Variants in NAB1 observed in about 807,000 individuals in gnomAD.
NAB1 encodes the protein NGFI-A-binding protein 1.
In NAB1, 25 loss-of-function variants were observed where a neutral mutation model predicts 49.9. The ratio of observed to expected loss-of-function variants is 0.50; its 90% CI spans 0.37 to 0.70. NAB1 has a LOEUF of 0.70. NAB1 is among the 30% of genes least tolerant of loss of function. NAB1 has a pLI of 0.00. For synonymous variants in NAB1, 198 were observed against 215.6 expected, an observed-to-expected ratio of 0.92 and a Z score of 0.71; for missense variants, 489 against 575.9, an observed-to-expected ratio of 0.85 and a Z score of 1.54.
rs1281266197 is a variant in NAB1 at position 190,686,247 on chromosome 2, A to C, written c.1258+609A>C. On this transcript the variant is annotated intron_variant, in intron 8 of 9. Transcript: ENST00000337386. The surrounding 1 kb of genome is among the most constrained non-coding windows in gnomAD (Gnocchi z 5.5). ...CTATGTGCCAGGCACTCTCCTAGGC[A>C]CTGAAGATGCAGCAGGGAACAAATC... 1.3e-5 allele frequency among the ~76,000 whole-genome samples: 2 copies of C among 152,218 alleles called. No homozygotes were observed. The highest frequency in any genetic ancestry group is 2.9e-5 in the Non-Finnish European group (2 of 68,028).
In NAB1 at chr2:190,669,287, A is replaced by G. The variant is rs758883943; in HGVS notation, c.820-1039A>G. 5.9e-5 allele frequency among the ~76,000 whole-genome samples: 9 copies of G among 152,224 alleles called. No homozygotes were observed. Among genetic ancestry groups the G allele is most frequent in the African/African-American group, 1.4e-4 (6 of 41,460 alleles). ...AACCTCAGACAGCAAAACTGTGGGT[A>G]AGGGGGTACTGCCGTACCTGATTTC... is the stretch of plus-strand genomic sequence containing the variant. On this transcript the variant is annotated intron_variant, in intron 4 of 9. Coordinates refer to ENST00000337386, the MANE Select transcript of NAB1 (RefSeq NM_005966.4). The surrounding 1 kb of genome is among the most constrained non-coding windows in gnomAD (Gnocchi z 4.3).
chr2:190,660,340 TAAA>T (rs1167297513), intron 4 of NAB1, among the ~76,000 whole-genome samples: 1 of 152,220 alleles, frequency 6.6e-6, no homozygotes, highest in East Asian at 1.9e-4. Flanking sequence ...ATATAACTTT[TAAA>T]AAACATTTTT....
In NAB1 at chr2:190,677,792, G is replaced by C. The variant is rs1160598327; in HGVS notation, c.1005+4640G>C. ...ACTGCTATCCAGTAGCAGAGCCGGGGCTTCCTATCTATGTCTGATTCCTGA... is the reference window on the plus strand; with the variant it reads ...ACTGCTATCCAGTAGCAGAGCCGGGCCTTCCTATCTATGTCTGATTCCTGA... On this transcript the variant is annotated intron_variant, in intron 6 of 9. Coordinates refer to ENST00000337386, the MANE Select transcript of NAB1 (RefSeq NM_005966.4). This position sits in a 1 kb window ranked among gnomAD's most constrained non-coding sequence, Gnocchi z 5.6. Among the ~76,000 whole-genome samples, 1 of 152,102 alleles carries C rather than the reference G, an allele frequency of 6.6e-6. No individual in the cohort carries two copies. Among genetic ancestry groups the C allele is most frequent in the African/African-American group, 2.4e-5 (1 of 41,406 alleles).
At position 190,649,593 on chromosome 2, in the gene NAB1, C is replaced by T. The variant is rs1038048565; in HGVS notation, c.-334+233C>T. Among the ~76,000 whole-genome samples, 12 of 151,906 alleles carry T rather than the reference C, an allele frequency of 7.9e-5. No homozygotes were observed. Among genetic ancestry groups the T allele is most frequent in the African/African-American group, 2.9e-4 (12 of 41,336 alleles). On this transcript the variant is annotated intron_variant, in intron 1 of 9. Coordinates refer to ENST00000337386, the MANE Select transcript of NAB1 (RefSeq NM_005966.4). This position sits in a 1 kb window ranked among gnomAD's most constrained non-coding sequence, Gnocchi z 6.1. ...TTCTGTGTGCCAGGGCGGCGGGGAGCGCGGCCCTGACTCGTGCATTTTCCC... is the reference window on the plus strand; with the variant it reads ...TTCTGTGTGCCAGGGCGGCGGGGAGTGCGGCCCTGACTCGTGCATTTTCCC...
chr2:190,673,067 G>GTTTTTTTTTTT, intron 5 of NAB1, 34 bp from the exon 6 acceptor site: 1 of 1,472,060 alleles, frequency 6.8e-7, no homozygotes, highest in Non-Finnish European at 9.2e-7. Flanking sequence ...ACTTTCTCAA[G>GTTTTTTTTTTT]TTTTTTTTTT....
In NAB1 at chr2:190,669,578, T is replaced by G. The variant is rs1411316277; in HGVS notation, c.820-748T>G. ...GCCTTGGCTAAGTACATCTTTTGCATATTAAAAAAGTCTGATATACCTCTT... is the reference window on the plus strand; with the variant it reads ...GCCTTGGCTAAGTACATCTTTTGCAGATTAAAAAAGTCTGATATACCTCTT... On this transcript the variant is annotated intron_variant, in intron 4 of 9. Transcript: ENST00000337386. This position sits in a 1 kb window ranked among gnomAD's most constrained non-coding sequence, Gnocchi z 4.3. 6.6e-6 allele frequency among the ~76,000 whole-genome samples: 1 copy of G among 152,204 alleles called. No individual in the cohort carries two copies. Among genetic ancestry groups the G allele is most frequent in the South Asian group, 2.1e-4 (1 of 4,830 alleles).
Position 190,661,664 on chromosome 2 carries a change from G to T in NAB1, c.819+1669G>T, listed in dbSNP as rs60319854. 2.0e-3 allele frequency among the ~76,000 whole-genome samples: 302 copies of T among 152,180 alleles called. 3 individuals carry two copies. Among genetic ancestry groups the T allele is most frequent in the African/African-American group, 7.1e-3 (295 of 41,538 alleles). On this transcript the variant is annotated intron_variant, in intron 4 of 9. Transcript: ENST00000337386. ...GCTCTTTGCCTCTTTAGATAAGTAG[G>T]TACATATGATATTTAAGTGATGAGA...
chr2:190,659,137 T>C lies in NAB1; in HGVS notation c.-19-21T>C. On this transcript the variant is annotated intron_variant, in intron 3 of 9. Transcript: ENST00000337386. The surrounding 1 kb of genome is among the most constrained non-coding windows in gnomAD (Gnocchi z 6.2). ...TGAAGCAAGTATGATGAGTTTTTACTTTTTTTTTTTTTTTTGGCAGGTTAA... is the reference window on the plus strand; with the variant it reads ...TGAAGCAAGTATGATGAGTTTTTACCTTTTTTTTTTTTTTTGGCAGGTTAA... The C allele has an allele frequency of 7.0e-6, 2 of 284,018 alleles. No individual in the cohort carries two copies. The highest frequency in any genetic ancestry group is 1.2e-5 in the Non-Finnish European group (2 of 173,856). 17.6% of individuals were successfully genotyped at this position (284,018 alleles called of 1,614,324 possible). A position where few individuals can be genotyped will look rare whatever the true frequency, so the allele number is the denominator to read the frequency against.
intron 4 of NAB1, among the ~76,000 whole-genome samples, chr2:190,664,585 C>CTTTT (rs1694404187): frequency 5.0e-5 from 4 of 80,086 alleles, no homozygotes; most frequent in Non-Finnish European, 4.9e-5. Flanking sequence ...TTTCTTCTTT[C>CTTTT]CTTTTTTTTT....
chr2:190,661,517 T>A (rs1257962144), intron 4 of NAB1, among the ~76,000 whole-genome samples: 8 of 152,242 alleles, frequency 5.3e-5, no homozygotes, highest in Non-Finnish European at 7.3e-5. Flanking sequence ...CATGTGTTTT[T>A]TATCAAAGTA....
intron 3 of NAB1, among the ~76,000 whole-genome samples, chr2:190,658,439 A>G (rs1197059020): frequency 1.3e-5 from 2 of 152,202 alleles, no homozygotes; most frequent in Non-Finnish European, 2.9e-5. Context: ...CCCTTAAACC[A>G]CAGAGTGTCA....
chr2:190,648,967 G>A (rs1693487165), upstream of NAB1: 1 of 149,066 alleles, frequency 6.7e-6, no homozygotes, highest in Non-Finnish European at 1.5e-5. Context: ...ATGTGACAGC[G>A]CGGGGTGGGG....
At position 190,676,557 on chromosome 2, in the gene NAB1, C is replaced by T. The variant is rs1266927715; in HGVS notation, c.1005+3405C>T. Among the ~76,000 whole-genome samples, 3 of 152,048 alleles carry T rather than the reference C, an allele frequency of 2.0e-5. No homozygotes were observed. The highest frequency in any genetic ancestry group is 2.9e-5 in the Non-Finnish European group (2 of 68,012). On this transcript the variant is annotated intron_variant, in intron 6 of 9. Coordinates refer to ENST00000337386, the MANE Select transcript of NAB1 (RefSeq NM_005966.4). This position sits in a 1 kb window ranked among gnomAD's most constrained non-coding sequence, Gnocchi z 4.6. ...CAGCCTGGGCAACATGGCAAAACCCCATCCTTACAAAAATTAGCCAGGCAT... is the reference window on the plus strand; with the variant it reads ...CAGCCTGGGCAACATGGCAAAACCCTATCCTTACAAAAATTAGCCAGGCAT...
Position 190,659,932 on chromosome 2 carries a change from CA to C in NAB1, c.757del (p.Ser253ValfsTer33), listed in dbSNP as rs1559229216. On this transcript the variant is annotated frameshift_variant, in exon 4 of 10. Coordinates refer to ENST00000337386, the MANE Select transcript of NAB1 (RefSeq NM_005966.4). LOFTEE classifies it high-confidence loss of function. This position sits in a 1 kb window ranked among gnomAD's most constrained non-coding sequence, Gnocchi z 6.2. ...PHKEEEIRKY[S>X]AIYGRFDSKR... is the part of the protein sequence containing the mutation. ...ACAAAGAGGAGGAAATTCGGAAATA[CA>C]GTGCAATATATGGCAGATTTGACTC... The C allele has an allele frequency of 6.2e-7, 1 of 1,614,164 alleles. No homozygotes were observed. The highest frequency in any genetic ancestry group is 1.6e-4 in the Middle Eastern group (1 of 6,062).
Position 190,680,158 on chromosome 2 carries a change from C to T in NAB1, c.1006-3580C>T, listed in dbSNP as rs1472394115. Among the ~76,000 whole-genome samples the T allele has an allele frequency of 3.9e-5, 6 of 152,312 alleles. No individual in the cohort carries two copies. Among genetic ancestry groups the T allele is most frequent in the Middle Eastern group, 3.4e-3 (1 of 294 alleles). On this transcript the variant is annotated intron_variant, in intron 6 of 9. Transcript: ENST00000337386. This position sits in a 1 kb window ranked among gnomAD's most constrained non-coding sequence, Gnocchi z 5.2. ...AACTCCCCTCCTCCGCGTACATTCT[C>T]CCCATCACATTCACATGTGATGGGC...
rs1695526501 is a variant in NAB1, at chr2:190,684,861, T to C, written c.1096-615T>C. 6.6e-6 allele frequency among the ~76,000 whole-genome samples: 1 copy of C among 152,270 alleles called. No homozygotes were observed. Among genetic ancestry groups the C allele is most frequent in the South Asian group, 2.1e-4 (1 of 4,838 alleles). Reference sequence around the variant, plus strand: ...AATTTATATGTCAGTTGACTAATTGTATATTTAAAATATGCCTTTTTATGA... The same window carrying C: ...AATTTATATGTCAGTTGACTAATTGCATATTTAAAATATGCCTTTTTATGA... On this transcript the variant is annotated intron_variant, in intron 7 of 9. Coordinates refer to ENST00000337386, the MANE Select transcript of NAB1 (RefSeq NM_005966.4). This position sits in a 1 kb window ranked among gnomAD's most constrained non-coding sequence, Gnocchi z 4.6.
rs1693974603 is a variant in NAB1 at position 190,657,312 on chromosome 2, A to C, written c.-20+1159A>C. Among the ~76,000 whole-genome samples, 2 of 152,156 alleles carry C rather than the reference A, an allele frequency of 1.3e-5. No individual in the cohort carries two copies. Among genetic ancestry groups the C allele is most frequent in the Admixed American group, 1.3e-4 (2 of 15,268 alleles). ...ATTTAGAAGATGCAAGAACGTTTTTATCCAGAGGACTGAGGTGGCATGAAT... is the reference window on the plus strand; with the variant it reads ...ATTTAGAAGATGCAAGAACGTTTTTCTCCAGAGGACTGAGGTGGCATGAAT... On this transcript the variant is annotated intron_variant, in intron 3 of 9. Coordinates refer to ENST00000337386, the MANE Select transcript of NAB1 (RefSeq NM_005966.4). This position sits in a 1 kb window ranked among gnomAD's most constrained non-coding sequence, Gnocchi z 4.4.
Position 190,687,292 on chromosome 2 carries a change from C to T in NAB1, c.1350C>T (p.Pro450=), listed in dbSNP as rs906356825. The change falls in exon 9 of 10, where the codon CCC becomes CCT. Residue 450 remains proline, a synonymous_variant. Coordinates refer to ENST00000337386, the MANE Select transcript of NAB1 (RefSeq NM_005966.4). ...VVDGELSRLY[P]SEAKSHSSES... is the part of the protein sequence containing the mutation. ...ATGGGGAGCTGAGCAGACTTTACCC[C>T]AGTGAGGCAAAGTCCCACTCATCAG... The T allele has an allele frequency of 1.3e-5, 20 of 1,594,924 alleles. No homozygotes were observed. Among genetic ancestry groups the T allele is most frequent in the Non-Finnish European group, 1.7e-5 (20 of 1,174,142 alleles).
chr2:190,673,977 A>T (rs1176196140), intron 6 of NAB1, among the ~76,000 whole-genome samples: 1 of 152,190 alleles, frequency 6.6e-6, no homozygotes, highest in African/African-American at 2.4e-5. Context: ...GTGTTCTCTT[A>T]GCCATCCTAT....
Sources: gnomAD v4.1 joint callset for allele counts (sites outside exome capture counted in the v4.1 genomes callset) on GRCh38, gnomAD v4.1.1 for gene constraint, Gnocchi (gnomAD v3.1) non-coding constraint, MANE v1.5 for transcripts, NCBI Gene and HGNC (gene_info 2026-07-23, HGNC 2026-07-21) for gene names.